DIPK1A: variants seen among roughly 807,000 people sequenced by gnomAD.
DIPK1A encodes family with sequence similarity 69 member A.
Under a neutral mutation model 40.8 loss-of-function variants are expected in DIPK1A, and 27 were observed. The observed-to-expected ratio is 0.66, with a 90% CI of 0.49 to 0.91. The LOEUF (loss-of-function observed/expected upper bound fraction) is 0.91, where lower values mean the gene tolerates loss of function less well. DIPK1A is among the 40% of genes least tolerant of loss of function. The pLI is 0.00. For missense variants in DIPK1A, 412 were observed against 505.7 expected, an observed-to-expected ratio of 0.81 and a Z score of 1.78; for synonymous variants, 166 against 171.3, an observed-to-expected ratio of 0.97 and a Z score of 0.24.
rs368632845 is a variant in DIPK1A, at chr1:92,877,317, G to A, written c.55-887C>T. Among the ~76,000 whole-genome samples the A allele has an allele frequency of 3.3e-5, 5 of 152,278 alleles. No individual in the cohort carries two copies. The South Asian group carries it at 1.0e-3, about 32-fold the overall frequency. ...CACCCATGGTCTGGTTTTATAAACA[G>A]CAGAACTGAGGACTACGAAGAGAAT... On this transcript the variant is annotated intron_variant, in intron 1 of 4. Transcript: ENST00000370310.
At chr1:92,841,621 A>C (rs1262361312), downstream of DIPK1A, 1 of 486,454 alleles carries the variant, frequency 2.1e-6, no homozygotes, top group Non-Finnish European at 3.5e-6. Context: ...ACATAAGTAA[A>C]TGTATTTGAA....
chr1:92,848,117 G>C (rs904611629), intron 3 of DIPK1A, among the ~76,000 whole-genome samples: 1 of 152,034 alleles, frequency 6.6e-6, no homozygotes, highest in Admixed American at 6.6e-5. Context: ...TTCACTGATG[G>C]GGAAACTGAA....
downstream of DIPK1A, chr1:92,841,742 A>G: frequency 6.6e-7 from 1 of 1,513,168 alleles, no homozygotes; most frequent in Middle Eastern, 2.4e-4. Flanking sequence ...TAGTTTAAAA[A>G]ATATATATTC....
downstream of DIPK1A, chr1:92,840,362 A>G: frequency 5.3e-6 from 3 of 565,488 alleles, no homozygotes; most frequent in Non-Finnish European, 9.5e-6. Flanking sequence ...TTCACATTGC[A>G]TAAGGTGAAA....
intron 4 of DIPK1A, chr1:92,845,394 C>A: frequency 4.9e-6 from 1 of 202,114 alleles, no homozygotes; most frequent in Non-Finnish European, 9.5e-6. Flanking sequence ...TACTGATGGG[C>A]ACAATTGCTC....
chr1:92,869,128 G>A (rs1258297595), intron 2 of DIPK1A, among the ~76,000 whole-genome samples: 1 of 147,302 alleles, frequency 6.8e-6, no homozygotes, highest in African/African-American at 2.5e-5. Flanking sequence ...TATGACAGTA[G>A]TTACCTTGAA....
intron 4 of DIPK1A, among the ~76,000 whole-genome samples, chr1:92,845,867 C>T (rs944581761): frequency 4.0e-5 from 6 of 150,172 alleles, no homozygotes; most frequent in East Asian, 3.9e-4. Context: ...TGCGGTGGTG[C>T]GCCTGTGATC....
At chr1:92,909,834 C>G (rs12066638) in intron 1 of DIPK1A, among the ~76,000 whole-genome samples, 47,881 of 151,962 alleles carry the variant, frequency 0.32, 8,056 homozygotes, top group Non-Finnish European at 0.37. Context: ...AAAAGGACTG[C>G]CCAAGTGCTT....
chr1:92,859,622 C>T (rs1238142759), intron 2 of DIPK1A, among the ~76,000 whole-genome samples: 1 of 152,202 alleles, frequency 6.6e-6, no homozygotes, highest in Non-Finnish European at 1.5e-5. Flanking sequence ...CCAAGCGCTT[C>T]TATATTCCTT....
chr1:92,948,766 T>TATATATGTATATATACG (rs1651502503), intron 1 of DIPK1A, among the ~76,000 whole-genome samples: 1 of 141,992 alleles, frequency 7.0e-6, no homozygotes, highest in African/African-American at 2.6e-5. Flanking sequence ...TGTATATATA[T>TATATATGTATATATACG]GTGTGTGTGT....
chr1:92,872,054 T>C (rs1647890096), intron 2 of DIPK1A, among the ~76,000 whole-genome samples: 1 of 150,638 alleles, frequency 6.6e-6, no homozygotes, highest in Non-Finnish European at 1.5e-5. Flanking sequence ...TTTTCCTGAT[T>C]CTTTTTCTTT....
intron 1 of DIPK1A, among the ~76,000 whole-genome samples, chr1:92,943,232 C>T (rs1651235212): frequency 6.6e-6 from 1 of 152,236 alleles, no homozygotes; most frequent in Admixed American, 6.5e-5. Context: ...AGATCCAACA[C>T]ATTTCTAGTT....
chr1:92,897,667 T>A (rs577835709), intron 1 of DIPK1A, among the ~76,000 whole-genome samples: 1 of 150,590 alleles, frequency 6.6e-6, no homozygotes, highest in Non-Finnish European at 1.5e-5. Flanking sequence ...AAAAAAAAAA[T>A]TTCCTTTTTC....
chr1:92,910,844 T>C (rs1649802091), intron 1 of DIPK1A, among the ~76,000 whole-genome samples: 1 of 152,156 alleles, frequency 6.6e-6, no homozygotes, highest in South Asian at 2.1e-4. Flanking sequence ...GTGTAGGGGA[T>C]GTATTTATTT....
At chr1:92,834,126 GAAGT>G (rs947364414) in intron 4 of DIPK1A, among the ~76,000 whole-genome samples, 6 of 152,164 alleles carry the variant, frequency 3.9e-5, no homozygotes, top group African/African-American at 9.7e-5. Flanking sequence ...GGGGAGATTA[GAAGT>G]AAGTAAGAAG....
intron 4 of DIPK1A, among the ~76,000 whole-genome samples, chr1:92,835,616 C>T (rs753673291): frequency 8.8e-5 from 13 of 147,180 alleles, no homozygotes; most frequent in African/African-American, 2.3e-4. Context: ...GCTGAGATCA[C>T]GCCATTGCAC....
intron 1 of DIPK1A, among the ~76,000 whole-genome samples, chr1:92,916,172 A>G: frequency 6.6e-6 from 1 of 152,144 alleles, no homozygotes; most frequent in East Asian, 1.9e-4. Flanking sequence ...AAAATTAGAT[A>G]GTGGCAATGG....
At chr1:92,869,070 TGATA>T (rs1477620978) in intron 2 of DIPK1A, among the ~76,000 whole-genome samples, 1 of 151,920 alleles carries the variant, frequency 6.6e-6, no homozygotes, top group African/African-American at 2.4e-5. Flanking sequence ...TTTAACTGAC[TGATA>T]GATACCTCTT....
intron 2 of DIPK1A, among the ~76,000 whole-genome samples, chr1:92,873,959 C>T (rs1411665346): frequency 6.6e-6 from 1 of 152,116 alleles, no homozygotes; most frequent in African/African-American, 2.4e-5. Flanking sequence ...ACTATCTTAG[C>T]TTAGTACTAT....
Sources: allele counts gnomAD v4.1 joint callset (sites outside exome capture counted in the v4.1 genomes callset), GRCh38; gene constraint gnomAD v4.1.1; transcripts MANE v1.5; gene names NCBI Gene and HGNC (gene_info 2026-07-23, HGNC 2026-07-21).